Variants in SLC24A2 observed in about 807,000 individuals in gnomAD.
SLC24A2 encodes solute carrier family 24 member 2.
Under a neutral mutation model 62.0 loss-of-function variants are expected in SLC24A2, and 36 were observed. The ratio of observed to expected loss-of-function variants is 0.58; its 90% confidence interval spans 0.44 to 0.77. SLC24A2 has a LOEUF of 0.77. SLC24A2 is among the 30% of genes least tolerant of loss of function. The probability of loss-of-function intolerance (pLI) is 0.00; values close to 1 mark genes in which losing one functional copy is unlikely to be tolerated. For synonymous variants in SLC24A2, 358 were observed against 294.0 expected, an observed-to-expected ratio of 1.22 and a Z score of -2.23; for missense variants, 846 against 817.9, an observed-to-expected ratio of 1.03 and a Z score of -0.42.
chr9:20,300,145 G>C, the SLC24A2 span, among the ~76,000 whole-genome samples: 9 of 152,190 alleles, frequency 5.9e-5, 1 homozygote, highest in African/African-American at 2.2e-4. Flanking sequence ...ATACATAGTA[G>C]GTATATATGT....
chr9:19,855,891 G>A, the SLC24A2 span, among the ~76,000 whole-genome samples: 1 of 152,138 alleles, frequency 6.6e-6, no homozygotes, highest in Admixed American at 6.5e-5. Flanking sequence ...TTTAAACTTG[G>A]TTCCATTCTC....
the SLC24A2 span, among the ~76,000 whole-genome samples, chr9:20,102,854 T>C: frequency 2.6e-5 from 4 of 152,062 alleles, no homozygotes; most frequent in African/African-American, 4.8e-5. Flanking sequence ...CGCAGGACAG[T>C]AGGTGCAGTG....
intron 2 of SLC24A2, among the ~76,000 whole-genome samples, chr9:19,722,046 A>T (rs1347527448): frequency 6.6e-6 from 1 of 152,126 alleles, no homozygotes; most frequent in African/African-American, 2.4e-5. Context: ...CCCTCCTGAG[A>T]GGGGAAAGCA....
the SLC24A2 span, among the ~76,000 whole-genome samples, chr9:20,030,979 G>C: frequency 1.3e-5 from 2 of 151,982 alleles, no homozygotes; most frequent in African/African-American, 4.8e-5. Context: ...CTTTTGGTGA[G>C]GAAAAGATTT....
At chr9:20,002,815 G>A in the SLC24A2 span, among the ~76,000 whole-genome samples, 1 of 152,268 alleles carries the variant, frequency 6.6e-6, no homozygotes, top group Non-Finnish European at 1.5e-5. Flanking sequence ...TTTCAGGAGG[G>A]GACAACAGCA....
chr9:20,077,436 A>G, the SLC24A2 span, among the ~76,000 whole-genome samples: 7 of 152,028 alleles, frequency 4.6e-5, no homozygotes, highest in Non-Finnish European at 7.4e-5. Flanking sequence ...TTTCTTAAAT[A>G]AAAAAAATGT....
chr9:19,749,697 A>T (rs1197475607), intron 2 of SLC24A2, among the ~76,000 whole-genome samples: 1 of 152,210 alleles, frequency 6.6e-6, no homozygotes, highest in Non-Finnish European at 1.5e-5. Flanking sequence ...ATTGCATGGG[A>T]TAAACTTACG....
At chr9:19,829,517 C>G in the SLC24A2 span, among the ~76,000 whole-genome samples, 4 of 152,068 alleles carry the variant, frequency 2.6e-5, 1 homozygote, top group African/African-American at 7.2e-5. Flanking sequence ...TAATTTTTCC[C>G]ACCTTACCGC....
chr9:20,301,332 T>G, the SLC24A2 span, among the ~76,000 whole-genome samples: 1 of 152,146 alleles, frequency 6.6e-6, no homozygotes, highest in Non-Finnish European at 1.5e-5. Flanking sequence ...TTTTTTCTTA[T>G]TATAAAAATG....
the SLC24A2 span, among the ~76,000 whole-genome samples, chr9:20,183,173 G>C: frequency 3.9e-5 from 6 of 152,156 alleles, no homozygotes; most frequent in South Asian, 2.1e-4. Context: ...CATTTAGTGA[G>C]CTCTGATTGT....
the SLC24A2 span, among the ~76,000 whole-genome samples, chr9:20,273,275 T>C: frequency 6.6e-6 from 1 of 152,190 alleles, no homozygotes; most frequent in Non-Finnish European, 1.5e-5. Context: ...TCTGACCTGC[T>C]TCCCCTGAAA....
rs542343831 is a variant in SLC24A2, at chr9:19,788,449, C to A, written c.-154+436G>T. 1.7e-5 allele frequency: 16 copies of A among 949,104 alleles called. No homozygotes were observed. In the African/African-American group the frequency reaches 2.3e-4, roughly 14 times the overall value. The allele number at this position is 949,104 out of a possible 1,614,324, so 58.8% of individuals were successfully genotyped here. A position where few individuals can be genotyped will look rare whatever the true frequency, so the allele number is the denominator to read the frequency against. On this transcript the variant is annotated intron_variant, in intron 1 of 10. Coordinates refer to ENST00000341998, the MANE Select transcript of SLC24A2 (RefSeq NM_020344.4). ...CCGTAGGAGAATGTTCGCCCCCAGC[C>A]GCGCCCCAACTTTGCCTTGCGTGGT...
At chr9:19,885,442 A>G in the SLC24A2 span, among the ~76,000 whole-genome samples, 1 of 152,180 alleles carries the variant, frequency 6.6e-6, no homozygotes, top group Non-Finnish European at 1.5e-5. Flanking sequence ...CTTATAAAAC[A>G]TGTTCACATA....
intron 7 of SLC24A2, among the ~76,000 whole-genome samples, chr9:19,566,949 G>A (rs917903847): frequency 1.8e-4 from 27 of 151,786 alleles, no homozygotes; most frequent in Non-Finnish European, 3.2e-4. Context: ...ATCACACACC[G>A]GGGCCTGTTG....
At chr9:20,211,110 C>CAA in the SLC24A2 span, among the ~76,000 whole-genome samples, 46 of 144,934 alleles carry the variant, frequency 3.2e-4, no homozygotes, top group East Asian at 4.7e-3. Flanking sequence ...GAGCTAATGG[C>CAA]AAAAAAAAAA....
intron 2 of SLC24A2, among the ~76,000 whole-genome samples, chr9:19,691,824 T>C (rs1264441265): frequency 6.6e-6 from 1 of 151,992 alleles, no homozygotes; most frequent in Non-Finnish European, 1.5e-5. Context: ...AGAACAAGGA[T>C]GAGGATAAAA....
At chr9:19,964,453 G>A in the SLC24A2 span, among the ~76,000 whole-genome samples, 4 of 152,304 alleles carry the variant, frequency 2.6e-5, no homozygotes, top group South Asian at 8.3e-4. Flanking sequence ...AATGCTAGGT[G>A]CATGCTAAGT....
chr9:20,081,242 T>C, the SLC24A2 span, among the ~76,000 whole-genome samples: 24 of 152,046 alleles, frequency 1.6e-4, no homozygotes, highest in Admixed American at 1.2e-3. Context: ...TGTCCAACAA[T>C]GATAGACTGG....
chr9:19,898,777 G>A, the SLC24A2 span, among the ~76,000 whole-genome samples: 2 of 148,744 alleles, frequency 1.3e-5, no homozygotes, highest in Non-Finnish European at 3.0e-5. Flanking sequence ...ATAGGACAAT[G>A]TCTAGGACAA....
Sources: allele counts gnomAD v4.1 joint callset (sites outside exome capture counted in the v4.1 genomes callset), GRCh38; gene constraint gnomAD v4.1.1; transcripts MANE v1.5; gene names NCBI Gene and HGNC (gene_info 2026-07-23, HGNC 2026-07-21).